The following DHTKD1 variants were observed in gnomAD, a reference collection of about 807,000 sequenced individuals.
DHTKD1 encodes the protein dehydrogenase E1 and transketolase domain containing 1.
In DHTKD1, 78 loss-of-function variants were observed where a neutral mutation model predicts 101.8. The ratio of observed to expected loss-of-function variants is 0.77; its 90% CI spans 0.64 to 0.93. DHTKD1 has a LOEUF of 0.93. DHTKD1 is among the 40% of genes least tolerant of loss of function. The pLI, the probability that DHTKD1 is intolerant of heterozygous loss-of-function variation, is 0.00. For missense variants in DHTKD1, 1,223 were observed against 1,161.7 expected, an observed-to-expected ratio of 1.05 and a Z score of -0.77; for synonymous variants, 462 against 450.3, an observed-to-expected ratio of 1.03 and a Z score of -0.33.
chr10:12,096,649 C>G (rs558189852), intron 7 of DHTKD1, among the ~76,000 whole-genome samples: 81 of 152,320 alleles, frequency 5.3e-4, no homozygotes, highest in African/African-American at 1.8e-3. Context: ...CTCACCTGGC[C>G]CCAGGGCGTT....
At position 12,069,041 on chromosome 10, in the gene DHTKD1, C is replaced by T. The variant is rs765392621; in HGVS notation, c.8C>T (p.Ser3Phe). The T allele has an allele frequency of 6.2e-7, 1 of 1,613,332 alleles. No individual in the cohort carries two copies. The highest frequency in any genetic ancestry group is 8.5e-7 in the Non-Finnish European group (1 of 1,179,656). MA[S>F]ATAAAARRGL... Reference sequence around the variant, plus strand: ...CCGGGACATCTGGTGAACATGGCCTCTGCTACTGCGGCAGCAGCACGACGG... The same window carrying T: ...CCGGGACATCTGGTGAACATGGCCTTTGCTACTGCGGCAGCAGCACGACGG... The change falls in exon 1 of 17, where the codon TCT becomes TTT. Residue 3 changes from serine (S) to phenylalanine (F), a missense_variant. Transcript: ENST00000263035.
chr10:12,115,099 TGAAC>T (rs1833395137), intron 13 of DHTKD1, among the ~76,000 whole-genome samples: 1 of 29,136 alleles, frequency 3.4e-5, no homozygotes, highest in Non-Finnish European at 9.4e-5. Flanking sequence ...CCGGCCTGTT[TGAAC>T]AGTTTCTTGA....
At chr10:12,086,966 C>T (rs1160626731) in intron 3 of DHTKD1, among the ~76,000 whole-genome samples, 7 of 152,164 alleles carry the variant, frequency 4.6e-5, no homozygotes, top group Admixed American at 6.6e-5. Context: ...GGATTACAGA[C>T]GTGAACCACC....
chr10:12,104,223 G>A (rs978599480), intron 10 of DHTKD1, among the ~76,000 whole-genome samples: 8 of 152,272 alleles, frequency 5.3e-5, no homozygotes, highest in Non-Finnish European at 7.4e-5. Flanking sequence ...CTGTTGCCCA[G>A]GCTGGAGTGC....
At chr10:12,077,916 A>G (rs374765257) in intron 1 of DHTKD1, among the ~76,000 whole-genome samples, 2 of 151,988 alleles carry the variant, frequency 1.3e-5, no homozygotes, top group African/African-American at 4.8e-5. Flanking sequence ...GGTTGGTGGA[A>G]GAAGAAACCT....
Position 12,090,792 on chromosome 10 carries a change from G to C in DHTKD1, c.988-721G>C, listed in dbSNP as rs931271081. On this transcript the variant is annotated intron_variant, in intron 5 of 16. Transcript: ENST00000263035. ...GTGAACCACTGCACCTGGCCTGATA[G>C]GGTGTTTCTAAATAGAAATCTTGAA... 5.3e-5 allele frequency among the ~76,000 whole-genome samples: 8 copies of C among 152,246 alleles called. No homozygotes were observed. In the South Asian group the frequency reaches 1.5e-3, roughly 28 times the overall value.
In DHTKD1 at chr10:12,087,636, G is replaced by A. The variant is rs1450826712; in HGVS notation, c.624G>A (p.Met208Ile). 6.2e-7 allele frequency: 1 copy of A among 1,614,094 alleles called. No homozygotes were observed. Among genetic ancestry groups the A allele is most frequent in the Admixed American group, 1.7e-5 (1 of 59,986 alleles). ...MMGFFHELLK[M>I]SAYSGITDVI... is the part of the protein sequence containing the mutation. ...GCTTTTTCCACGAGCTGCTGAAAAT[G>A]TCGGCCTACAGCGGGATCACTGATG... Residue 208 changes from methionine to isoleucine, a missense_variant, in exon 4 of 17, where the codon ATG becomes ATA. Physicochemically the swap from Met to Ile is conservative, Grantham distance 10 (BLOSUM62 1). Transcript: ENST00000263035. The surrounding 1 kb of genome is among the most constrained non-coding windows in gnomAD (Gnocchi z 5.2).
intron 1 of DHTKD1, among the ~76,000 whole-genome samples, chr10:12,078,030 A>T (rs1832761243): frequency 6.6e-6 from 1 of 152,118 alleles, no homozygotes; most frequent in Non-Finnish European, 1.5e-5. Flanking sequence ...CCAAACTGCT[A>T]CATGCCTCAT....
At chr10:12,083,033 C>T (rs572770071) in intron 2 of DHTKD1, among the ~76,000 whole-genome samples, 7 of 151,778 alleles carry the variant, frequency 4.6e-5, no homozygotes, top group South Asian at 4.2e-4. Context: ...CCCAGCTACT[C>T]GGGAGGCTGA....
intron 12 of DHTKD1, among the ~76,000 whole-genome samples, chr10:12,109,812 A>T (rs1833301229): frequency 6.6e-6 from 1 of 151,970 alleles, no homozygotes; most frequent in African/African-American, 2.4e-5. Flanking sequence ...AAAAATAAAT[A>T]AATAAATAAA....
intron 7 of DHTKD1, among the ~76,000 whole-genome samples, chr10:12,097,172 CATTT>C (rs1833083513): frequency 1.3e-5 from 2 of 152,114 alleles, no homozygotes; most frequent in African/African-American, 4.8e-5. Flanking sequence ...AACTCAGTGG[CATTT>C]ATTTACCTTC....
At chr10:12,090,249 A>G (rs549109089) in intron 5 of DHTKD1, among the ~76,000 whole-genome samples, 9 of 152,268 alleles carry the variant, frequency 5.9e-5, no homozygotes, top group South Asian at 4.1e-4. Context: ...CAAATATTCT[A>G]TGTTTGTAAA....
rs763422367 is a variant in DHTKD1, at chr10:12,087,781, GAAT to G, written c.717+55_717+57del. ...TAGCACTATATGATTGATTGTAACA[GAAT>G]AAAACTGCTGGTTTCATTCTGGTGA... On this transcript the variant is annotated intron_variant, in intron 4 of 16. Coordinates refer to ENST00000263035, the MANE Select transcript of DHTKD1 (RefSeq NM_018706.7). The surrounding 1 kb of genome is among the most constrained non-coding windows in gnomAD (Gnocchi z 5.2). 1 of 1,421,004 alleles carries G rather than the reference GAAT, an allele frequency of 7.0e-7. No homozygotes were observed. Among genetic ancestry groups the G allele is most frequent in the South Asian group, 1.5e-5 (1 of 68,890 alleles). The allele number at this position is 1,421,004 out of a possible 1,614,324, so 88.0% of individuals were successfully genotyped here.
chr10:12,083,756 T>C (rs1832857385), intron 2 of DHTKD1, among the ~76,000 whole-genome samples: 1 of 151,762 alleles, frequency 6.6e-6, no homozygotes, highest in African/African-American at 2.4e-5. Context: ...ACAAAAGAAA[T>C]TACTGTAGAA....
chr10:12,071,986 T>G (rs1431762817), intron 1 of DHTKD1, among the ~76,000 whole-genome samples: 4 of 152,224 alleles, frequency 2.6e-5, no homozygotes, highest in Admixed American at 1.3e-4. Context: ...CCGTGTTTTA[T>G]TTTTATTTTT....
At position 12,118,941 on chromosome 10, in the gene DHTKD1, G is replaced by GTTT; in HGVS notation, c.2572+25_2572+27dup. 3 of 1,479,558 alleles carry GTTT rather than the reference G, an allele frequency of 2.0e-6. No individual in the cohort carries two copies. In the South Asian group the frequency reaches 4.1e-5, roughly 20 times the overall value. 91.7% of individuals were successfully genotyped at this position (1,479,558 alleles called of 1,614,324 possible). On this transcript the variant is annotated intron_variant, in intron 15 of 16. Transcript: ENST00000263035. ...AAGGTAAGAGGTTGTTCTCATTTGG[G>GTTT]TTTTGATGTTCAGATACCCAAAACC...
intron 13 of DHTKD1, among the ~76,000 whole-genome samples, chr10:12,116,086 ATG>A (rs1833412350): frequency 6.6e-6 from 1 of 151,988 alleles, no homozygotes; most frequent in Non-Finnish European, 1.5e-5. Flanking sequence ...ATGCACCACC[ATG>A]CCTGGCTCAT....
chr10:12,106,265 C>T lies in DHTKD1; in HGVS notation c.1916C>T (p.Ser639Leu). 6.2e-7 allele frequency: 1 copy of T among 1,614,140 alleles called. No homozygotes were observed. Among genetic ancestry groups the T allele is most frequent in the South Asian group, 1.1e-5 (1 of 91,076 alleles). ...GATTAGGTCAGCAACAGCCCACTGT[C>T]AGAAGAGGCCGTCCTGGGATTTGAA... Reference protein sequence around the residue: ...GFLEVSNSPLSEEAVLGFEYG... With the variant: ...GFLEVSNSPLLEEAVLGFEYG... The change falls in exon 11 of 17, where the codon TCA (serine) becomes TTA (leucine). Residue 639 changes from serine to leucine, a missense_variant. Ser to Leu is a moderately radical substitution (Grantham distance 145). Transcript: ENST00000263035.
intron 11 of DHTKD1, among the ~76,000 whole-genome samples, chr10:12,106,917 C>T (rs539752228): frequency 1.4e-4 from 22 of 152,194 alleles, no homozygotes; most frequent in African/African-American, 4.6e-4. Flanking sequence ...TCGTGCCCAC[C>T]ACCCCCTGTT....
Sources: gnomAD v4.1 joint callset for allele counts (sites outside exome capture counted in the v4.1 genomes callset) on GRCh38, gnomAD v4.1.1 for gene constraint, Gnocchi (gnomAD v3.1) non-coding constraint, MANE v1.5 for transcripts, NCBI Gene and HGNC (gene_info 2026-07-23, HGNC 2026-07-21) for gene names.